PUDP: variants seen among roughly 807,000 people sequenced by gnomAD.
PUDP encodes the protein pseudouridine 5'-phosphatase.
In PUDP, 8 loss-of-function variants were observed where a neutral mutation model predicts 9.4. The observed-to-expected ratio is 0.85, with a 90% CI of 0.50 to 1.53. The LOEUF (loss-of-function observed/expected upper bound fraction) is 1.53, where lower values mean the gene tolerates loss of function less well. PUDP is among the 40% of genes most tolerant of loss of function. The pLI is 0.00. For missense variants in PUDP, 188 were observed against 189.7 expected (o/e 0.99, Z 0.05); for synonymous variants, 99 against 80.7 (o/e 1.23, Z -1.22).
chrX:6,928,023 C>T (rs767508435), intron 3 of PUDP, among the ~76,000 whole-genome samples: 44 of 101,009 alleles, frequency 4.4e-4, no homozygotes, highest in African/African-American at 1.6e-3. Flanking sequence ...GGCATGATTT[C>T]GGCTCACTTC....
chrX:7,114,584 G>A (rs1023377670), intron 1 of PUDP, among the ~76,000 whole-genome samples: 3 of 111,460 alleles, frequency 2.7e-5, no homozygotes, highest in African/African-American at 9.8e-5. Context: ...GAGAACAAAC[G>A]TTCAAACCAC....
intron 1 of PUDP, among the ~76,000 whole-genome samples, chrX:7,125,499 C>T: frequency 9.0e-6 from 1 of 111,530 alleles, no homozygotes; most frequent in Non-Finnish European, 1.9e-5. Context: ...TCCTCCACAA[C>T]ATGCACAAAG....
chrX:6,929,004 C>T (rs1053366733), intron 3 of PUDP, among the ~76,000 whole-genome samples: 1 of 111,813 alleles, frequency 8.9e-6, no homozygotes, highest in Non-Finnish European at 1.9e-5. Flanking sequence ...AAGCATGGTC[C>T]TAGAAAAACA....
intron 3 of PUDP, among the ~76,000 whole-genome samples, chrX:6,923,805 G>T (rs1243890896): frequency 9.0e-6 from 1 of 111,198 alleles, no homozygotes; most frequent in Non-Finnish European, 1.9e-5. Flanking sequence ...GTGGCTCCAC[G>T]TCTCCTCAAG....
upstream of PUDP, among the ~76,000 whole-genome samples, chrX:6,723,712 C>CAAAACA (rs1056520684): frequency 7.3e-5 from 8 of 109,602 alleles, 1 homozygote; most frequent in Admixed American, 3.9e-4. Flanking sequence ...CAAAACAAAA[C>CAAAACA]AAAAAAACGC....
chrX:7,007,705 C>A (rs1363471040), intron 1 of PUDP, among the ~76,000 whole-genome samples: 1 of 112,104 alleles, frequency 8.9e-6, no homozygotes, highest in Non-Finnish European at 1.9e-5. Flanking sequence ...GCAGGCAAAT[C>A]ATTTGGCACC....
chrX:6,983,544 A>G (rs1163781736), intron 1 of PUDP, among the ~76,000 whole-genome samples: 1 of 112,382 alleles, frequency 8.9e-6, no homozygotes, highest in East Asian at 2.8e-4. Flanking sequence ...ATGGCTGGTA[A>G]TATTTAGAAC....
chrX:6,857,620 GAC>G (rs1168972225), intron 3 of PUDP, among the ~76,000 whole-genome samples: 1 of 111,105 alleles, frequency 9.0e-6, no homozygotes, highest in Non-Finnish European at 1.9e-5. Context: ...TTTTTGTAGA[GAC>G]AGGTTCTTGC....
chrX:7,068,678 G>T (rs1930642310), intron 3 of PUDP, among the ~76,000 whole-genome samples: 1 of 112,356 alleles, frequency 8.9e-6, no homozygotes, highest in Non-Finnish European at 1.9e-5. Context: ...TTCAAGGTTG[G>T]CTGAGGGACT....
At chrX:6,813,698 C>G (rs113823052) in intron 3 of PUDP, among the ~76,000 whole-genome samples, 3,359 of 111,520 alleles carry the variant, frequency 0.03, 123 homozygotes, top group African/African-American at 0.1. Context: ...CTATCACTCT[C>G]GTTTTGCTGT....
intron 3 of PUDP, among the ~76,000 whole-genome samples, chrX:6,752,373 T>C (rs1414479282): frequency 1.8e-5 from 2 of 111,233 alleles, no homozygotes; most frequent in Admixed American, 9.7e-5. Context: ...AGATTCTATG[T>C]CCTATGGAAG....
intron 3 of PUDP, among the ~76,000 whole-genome samples, chrX:6,952,847 T>G (rs1442551942): frequency 8.9e-6 from 1 of 111,961 alleles, no homozygotes; most frequent in African/African-American, 3.2e-5. Flanking sequence ...GATCTTGGAC[T>G]TCCCAGCCTC....
chrX:6,984,717 G>T (rs753566002), intron 1 of PUDP, among the ~76,000 whole-genome samples: 1 of 111,666 alleles, frequency 9.0e-6, no homozygotes, highest in East Asian at 2.8e-4. Flanking sequence ...GAAATTCAGG[G>T]TGTAAGCAGG....
intron 1 of PUDP, among the ~76,000 whole-genome samples, chrX:7,003,325 TAGGATGGAATTCAGGAGGCGG>T: frequency 9.0e-6 from 1 of 110,856 alleles, no homozygotes; most frequent in African/African-American, 3.3e-5. Context: ...GTAGAGTGAG[TAGGATGGAATTCAGGAGGCGG>T]CACACCGGGG....
intron 1 of PUDP, among the ~76,000 whole-genome samples, chrX:6,979,615 A>G (rs1036680202): frequency 8.9e-6 from 1 of 112,064 alleles, no homozygotes; most frequent in Admixed American, 9.5e-5. Context: ...CAGGGCACCT[A>G]GTTCCTGCTA....
At chrX:6,955,199 C>T (rs778150315) in intron 3 of PUDP, among the ~76,000 whole-genome samples, 25 of 109,971 alleles carry the variant, frequency 2.3e-4, no homozygotes, top group Non-Finnish European at 4.6e-4. Context: ...AGACCTTTGT[C>T]CTCTTTTAAC....
At chrX:6,822,689 TG>T (rs1169526064) in intron 3 of PUDP, among the ~76,000 whole-genome samples, 1 of 83,355 alleles carries the variant, frequency 1.2e-5, no homozygotes, top group African/African-American at 5.5e-5. Context: ...CCTCCCAAAG[TG>T]TTTTTTTTTT....
intron 1 of PUDP, among the ~76,000 whole-genome samples, chrX:7,130,947 G>A (rs1932605418): frequency 8.9e-6 from 1 of 111,994 alleles, no homozygotes. Flanking sequence ...GCTGTTCAAA[G>A]ACGAGTGTAG....
intron 3 of PUDP, among the ~76,000 whole-genome samples, chrX:6,944,400 A>G (rs1212959075): frequency 9.0e-6 from 1 of 111,595 alleles, no homozygotes; most frequent in Non-Finnish European, 1.9e-5. Flanking sequence ...AAAATGAACT[A>G]ATACATGGAA....
Sources: gnomAD v4.1 joint callset for allele counts (sites outside exome capture counted in the v4.1 genomes callset) on GRCh38, gnomAD v4.1.1 for gene constraint, MANE v1.5 for transcripts, NCBI Gene and HGNC (gene_info 2026-07-23, HGNC 2026-07-21) for gene names.